Variants in CASC3 observed in about 807,000 individuals in gnomAD.
The protein encoded by CASC3 is protein CASC3.
CASC3 carries 30 observed loss-of-function variants against 80.5 expected under a neutral mutation model. The observed-to-expected ratio is 0.37, with a 90% CI of 0.28 to 0.51. CASC3 has a LOEUF of 0.51. CASC3 is among the 20% of genes least tolerant of loss of function. CASC3 has a pLI of 0.94. For synonymous variants in CASC3, 312 were observed against 333.6 expected, an observed-to-expected ratio of 0.94 and a Z score of 0.70; for missense variants, 824 against 922.2, an observed-to-expected ratio of 0.89 and a Z score of 1.38.
chr17:40,171,239 G>A lies in CASC3; in HGVS notation c.*834G>A, dbSNP rs1989586270. The stretch of plus-strand genomic sequence containing the variant: ...GAGGGCCAATACCCTACTGTGGGGA[G>A]AGATGGCACACCAGATGCTTTTGTG... On this transcript the variant is annotated 3_prime_UTR_variant, in exon 14 of 14. Coordinates refer to ENST00000264645, the MANE Select transcript of CASC3 (RefSeq NM_007359.5). 1 of 985,924 alleles carries A rather than the reference G, an allele frequency of 1.0e-6. No individual in the cohort carries two copies. The highest frequency in any genetic ancestry group is 4.7e-5 in the South Asian group (1 of 21,290). 61.1% of individuals were successfully genotyped at this position (985,924 alleles called of 1,614,324 possible).
At chr17:40,149,630 A>AACC (rs889369640) in intron 3 of CASC3, among the ~76,000 whole-genome samples, 25 of 152,204 alleles carry the variant, frequency 1.6e-4, no homozygotes, top group Middle Eastern at 3.2e-3. Context: ...ATATGAGAAA[A>AACC]AGTAGGAACC....
At chr17:40,154,730 T>A (rs186576327) in intron 3 of CASC3, among the ~76,000 whole-genome samples, 1 of 152,304 alleles carries the variant, frequency 6.6e-6, no homozygotes, top group African/African-American at 2.4e-5. Context: ...TTGCAGATGC[T>A]TTTGGTGTTA....
At chr17:40,150,151 C>T (rs1179640611) in intron 3 of CASC3, among the ~76,000 whole-genome samples, 1 of 152,126 alleles carries the variant, frequency 6.6e-6, no homozygotes, top group Non-Finnish European at 1.5e-5. Flanking sequence ...GAGGCCAAGG[C>T]AGGAGGATTG....
In CASC3 at chr17:40,162,000, A is replaced by G; in HGVS notation, c.457-2A>G. The G allele has an allele frequency of 6.2e-7, 1 of 1,613,442 alleles. No individual in the cohort carries two copies. Among genetic ancestry groups the G allele is most frequent in the Non-Finnish European group, 8.5e-7 (1 of 1,179,728 alleles). On this transcript the variant is annotated splice_acceptor_variant, in intron 4 of 13. Coordinates refer to ENST00000264645, the MANE Select transcript of CASC3 (RefSeq NM_007359.5). LOFTEE classifies it high-confidence loss of function. ...GTAAGGATCCCTTTATCTGTCCTCT[A>G]GGAGAGCACAGAGCCTGTGGAGAAC...
At chr17:40,161,341 A>G (rs1989292234) in intron 3 of CASC3, among the ~76,000 whole-genome samples, 2 of 152,128 alleles carry the variant, frequency 1.3e-5, no homozygotes, top group South Asian at 2.1e-4. Context: ...TTTCAGTTCT[A>G]TGTTGTACTA....
chr17:40,151,888 T>C (rs1989019507), intron 3 of CASC3, among the ~76,000 whole-genome samples: 1 of 152,204 alleles, frequency 6.6e-6, no homozygotes, highest in South Asian at 2.1e-4. Flanking sequence ...ACTTGTAGCA[T>C]GTATCAGTAC....
At chr17:40,147,185 A>G (rs1988883179) in intron 3 of CASC3, among the ~76,000 whole-genome samples, 1 of 152,194 alleles carries the variant, frequency 6.6e-6, no homozygotes, top group Admixed American at 6.6e-5. Flanking sequence ...CTAGAGGCAG[A>G]AGAGCTGTTT....
In CASC3 at chr17:40,167,595, G is replaced by A. The variant is rs1267135381; in HGVS notation, c.1634G>A (p.Gly545Glu). Reference protein sequence around the residue: ...APPVHISIMEGHYYDPLQFQG... With the variant: ...APPVHISIMEEHYYDPLQFQG... ...CCAGTGCATATCAGTATCATGGAGG[G>A]ACATTACTATGATCCACGTGAGTTT... Residue 545 changes from glycine to glutamate, a missense_variant, in exon 9 of 14, where the codon GGA (glycine) becomes GAA (glutamate). Gly to Glu is a moderately conservative substitution (Grantham distance 98, BLOSUM62 -2). This residue lies in a region of CASC3 where 464 missense variants were observed against 506.0 expected (regional missense o/e 0.92). Transcript: ENST00000264645. 1.9e-6 allele frequency: 3 copies of A among 1,612,646 alleles called. No homozygotes were observed. The highest frequency in any genetic ancestry group is 3.3e-5 in the Admixed American group (2 of 60,000).
At position 40,162,055 on chromosome 17, in the gene CASC3, G is replaced by C. The variant is rs1204510299; in HGVS notation, c.510G>C (p.Leu170Phe). The C allele has an allele frequency of 2.5e-6, 4 of 1,613,998 alleles. No individual in the cohort carries two copies. The highest frequency in any genetic ancestry group is 3.4e-6 in the Non-Finnish European group (4 of 1,180,028). ...TGGGTAAAAAGGGCCCTAAGCATTT[G>C]GATGATGATGAAGATCGGAAGAATC... ...NKVGKKGPKH[L>F]DDDEDRKNPA... The change falls in exon 5 of 14, where the codon TTG becomes TTC. Residue 170 changes from leucine (L) to phenylalanine (F), a missense_variant. This residue lies in a region of CASC3 where 201 missense variants were observed against 294.1 expected (regional missense o/e 0.68). Transcript: ENST00000264645.
At position 40,168,265 on chromosome 17, in the gene CASC3, T is replaced by TC; in HGVS notation, c.1815dup (p.Met606HisfsTer27). 1 of 1,614,148 alleles carries TC rather than the reference T, an allele frequency of 6.2e-7. No homozygotes were observed. Among genetic ancestry groups the TC allele is most frequent in the East Asian group, 2.2e-5 (1 of 44,888 alleles). ...TCCAGGCCTCTATCCCCCACCAGTG[T>TC]CCATGTCTCCAGGACAGCCACCACC... On this transcript the variant is annotated frameshift_variant, in exon 11 of 14. Transcript: ENST00000264645. LOFTEE classifies it high-confidence loss of function.
chr17:40,168,150 C>T (rs747125953), intron 10 of CASC3, 53 bp from the exon 11 acceptor site: 57 of 1,515,968 alleles, frequency 3.8e-5, no homozygotes, highest in Non-Finnish European at 4.9e-5. Flanking sequence ...GCCGGGCCAT[C>T]CTGTGAAAAT....
chr17:40,169,019 T>G (rs1294290690), intron 11 of CASC3: 1 of 290,216 alleles, frequency 3.4e-6, no homozygotes, highest in Non-Finnish European at 6.4e-6. Flanking sequence ...CCTGCTTAAC[T>G]TCCACCACGT....
intron 8 of CASC3, 64 bp downstream of exon 8, chr17:40,166,925 T>C: frequency 8.6e-7 from 1 of 1,165,802 alleles, no homozygotes; most frequent in Admixed American, 2.7e-5. Flanking sequence ...GTTCATTGTT[T>C]AAACCAAGAT....
intron 2 of CASC3, 163 bp downstream of exon 2, chr17:40,141,397 C>G: frequency 3.6e-6 from 3 of 838,944 alleles, no homozygotes; most frequent in Non-Finnish European, 5.9e-6. Context: ...GCAGTATAGT[C>G]TTCAGCAAGT....
chr17:40,161,918 A>T lies in CASC3; in HGVS notation c.456+7A>T. The T allele has an allele frequency of 6.2e-7, 1 of 1,613,976 alleles. No homozygotes were observed. Among genetic ancestry groups the T allele is most frequent in the South Asian group, 1.1e-5 (1 of 91,084 alleles). On this transcript the variant is annotated splice_region_variant and intron_variant, in intron 4 of 13. Coordinates refer to ENST00000264645, the MANE Select transcript of CASC3 (RefSeq NM_007359.5). ...GCAAAGTGGGGACGGACAGGTTAGT[A>T]CATTCCACAGTCCTCCATTTTAGAG... is the stretch of plus-strand genomic sequence containing the variant.
intron 3 of CASC3, among the ~76,000 whole-genome samples, chr17:40,150,748 T>C (rs1289461747): frequency 6.7e-6 from 1 of 150,292 alleles, no homozygotes; most frequent in Non-Finnish European, 1.5e-5. Flanking sequence ...GCGCCGAGGC[T>C]CATGCCTTTA....
At chr17:40,167,825 A>G (rs1989490096) in intron 9 of CASC3, 25 bp from the exon 10 acceptor site, 1 of 1,586,848 alleles carries the variant, frequency 6.3e-7, no homozygotes, top group Non-Finnish European at 8.7e-7. Context: ...AGGGTTTATG[A>G]GAGTCCCAAT....
chr17:40,159,196 C>T (rs932222130), intron 3 of CASC3, among the ~76,000 whole-genome samples: 1 of 152,210 alleles, frequency 6.6e-6, no homozygotes, highest in Admixed American at 6.5e-5. Context: ...GAGATCACAC[C>T]ACTGCACTCC....
At position 40,162,767 on chromosome 17, in the gene CASC3, C is replaced by T. The variant is rs548628113; in HGVS notation, c.651C>T (p.Arg217=). Reference sequence around the variant, plus strand: ...GAAAGCTATGGAAGGATGAGGGTCGCTGGGAGCATGACAAGTTCCGGGAAG... The same window carrying T: ...GAAAGCTATGGAAGGATGAGGGTCGTTGGGAGCATGACAAGTTCCGGGAAG... The part of the protein sequence containing the change: ...RQRKLWKDEG[R]WEHDKFREDE... Residue 217 remains arginine, a synonymous_variant, in exon 6 of 14, where the codon CGC becomes CGT. Transcript: ENST00000264645. 1 of 1,614,060 alleles carries T rather than the reference C, an allele frequency of 6.2e-7. No homozygotes were observed. The highest frequency in any genetic ancestry group is 1.3e-5 in the African/African-American group (1 of 75,030).
Sources: allele counts gnomAD v4.1 joint callset (sites outside exome capture counted in the v4.1 genomes callset), GRCh38; gene constraint gnomAD v4.1.1; regional missense constraint gnomAD v4.1.1; transcripts MANE v1.5; gene names NCBI Gene and HGNC (gene_info 2026-07-23, HGNC 2026-07-21).